LRP1B: variants seen among roughly 807,000 people sequenced by gnomAD.
The protein encoded by LRP1B is low-density lipoprotein receptor-related protein 1B.
Under a neutral mutation model 556.6 loss-of-function variants are expected in LRP1B, and 217 were observed. That is an observed-to-expected ratio of 0.39 (90% confidence interval 0.35 to 0.44). The LOEUF (loss-of-function observed/expected upper bound fraction) is 0.44, where lower values mean the gene tolerates loss of function less well. Ranked by LOEUF, LRP1B falls within the 20% of genes least tolerant of loss-of-function variation. LRP1B has a pLI of 1.00. For missense variants in LRP1B, 5,053 were observed against 5,620.8 expected (o/e 0.90, Z 3.23); for synonymous variants, 2,047 against 1,865.8 (o/e 1.10, Z -2.50).
At chr2:141,220,085 T>C (rs1042784633) in intron 6 of LRP1B, among the ~76,000 whole-genome samples, 3 of 152,138 alleles carry the variant, frequency 2.0e-5, no homozygotes, top group African/African-American at 4.8e-5. Context: ...CCAAGATGAA[T>C]GACCTGACAG....
chr2:141,812,058 T>G (rs1400828415), intron 1 of LRP1B, among the ~76,000 whole-genome samples: 1 of 152,100 alleles, frequency 6.6e-6, no homozygotes, highest in Non-Finnish European at 1.5e-5. Flanking sequence ...AAAATACATT[T>G]TCTACTGAAA....
intron 2 of LRP1B, among the ~76,000 whole-genome samples, chr2:141,608,684 C>T (rs1408544214): frequency 6.6e-6 from 1 of 152,062 alleles, no homozygotes; most frequent in Non-Finnish European, 1.5e-5. Flanking sequence ...TATATAGGCA[C>T]TTAATTTATT....
chr2:141,466,528 T>C (rs1682208992), intron 3 of LRP1B, among the ~76,000 whole-genome samples: 1 of 152,206 alleles, frequency 6.6e-6, no homozygotes, highest in Non-Finnish European at 1.5e-5. Flanking sequence ...TGTGTGTTAG[T>C]TAAAATCCTG....
intron 2 of LRP1B, among the ~76,000 whole-genome samples, chr2:141,500,513 G>C (rs4589695): frequency 0.034 from 5,151 of 152,094 alleles, 122 homozygotes; most frequent in Middle Eastern, 0.075. Flanking sequence ...ATCAACAAAG[G>C]TTTCTCATTC....
intron 83 of LRP1B, among the ~76,000 whole-genome samples, chr2:140,303,949 G>C (rs1683953484): frequency 6.6e-6 from 1 of 152,052 alleles, no homozygotes; most frequent in African/African-American, 2.4e-5. Context: ...TGAGAATGAT[G>C]GTTTCCAGCT....
At chr2:141,825,919 T>C (rs193296799) in intron 1 of LRP1B, among the ~76,000 whole-genome samples, 13 of 152,306 alleles carry the variant, frequency 8.5e-5, no homozygotes, top group African/African-American at 2.9e-4. Flanking sequence ...CCAATGCTTG[T>C]TCATTTTTCC....
intron 3 of LRP1B, among the ~76,000 whole-genome samples, chr2:141,256,024 T>G (rs1324636124): frequency 2.0e-5 from 3 of 151,798 alleles, no homozygotes; most frequent in African/African-American, 7.3e-5. Context: ...AATTACAATA[T>G]GAGTGTGGAA....
chr2:141,372,103 G>C (rs1011248983), intron 3 of LRP1B, among the ~76,000 whole-genome samples: 2 of 151,998 alleles, frequency 1.3e-5, no homozygotes, highest in Non-Finnish European at 2.9e-5. Flanking sequence ...TGCTTTTTCT[G>C]CATCTATTCA....
chr2:140,382,023 T>C (rs1171195729), intron 67 of LRP1B, among the ~76,000 whole-genome samples: 1 of 152,044 alleles, frequency 6.6e-6, no homozygotes, highest in African/African-American at 2.4e-5. Flanking sequence ...GAAAATTATG[T>C]TCAGGAAATA....
At chr2:140,831,963 A>G (rs930836392) in intron 31 of LRP1B, among the ~76,000 whole-genome samples, 1 of 152,170 alleles carries the variant, frequency 6.6e-6, no homozygotes, top group Admixed American at 6.5e-5. Context: ...CAAAACTACA[A>G]TGGGATATCA....
intron 8 of LRP1B, among the ~76,000 whole-genome samples, chr2:141,060,930 A>G (rs919166903): frequency 1.3e-5 from 2 of 151,800 alleles, no homozygotes; most frequent in African/African-American, 4.8e-5. Context: ...CATGGGGAAA[A>G]AAGAATAAAC....
chr2:141,747,248 G>T (rs1332727495), intron 2 of LRP1B, among the ~76,000 whole-genome samples: 1 of 152,134 alleles, frequency 6.6e-6, no homozygotes, highest in Non-Finnish European at 1.5e-5. Flanking sequence ...CTTGCACAAA[G>T]CTTTTGAGCT....
intron 7 of LRP1B, among the ~76,000 whole-genome samples, chr2:141,164,960 A>G (rs1445089350): frequency 6.6e-6 from 1 of 151,918 alleles, no homozygotes; most frequent in Admixed American, 6.6e-5. Context: ...GTTTTTAATC[A>G]TCTTATTCCT....
At chr2:140,772,319 A>T (rs943367241) in intron 33 of LRP1B, among the ~76,000 whole-genome samples, 6 of 151,258 alleles carry the variant, frequency 4.0e-5, no homozygotes, top group African/African-American at 1.5e-4. Flanking sequence ...ATGTATATAT[A>T]TATTATTTTT....
intron 86 of LRP1B, among the ~76,000 whole-genome samples, chr2:140,267,193 T>A (rs544490288): frequency 6.6e-6 from 1 of 152,084 alleles, no homozygotes; most frequent in African/African-American, 2.4e-5. Context: ...TATTAATTAA[T>A]TGTCTTCAAA....
intron 2 of LRP1B, among the ~76,000 whole-genome samples, chr2:141,619,741 G>T (rs1165675346): frequency 6.6e-6 from 1 of 152,148 alleles, no homozygotes; most frequent in African/African-American, 2.4e-5. Context: ...GAGGATAGAT[G>T]ATTGGATTCT....
chr2:141,899,361 T>C (rs769139349), intron 1 of LRP1B, among the ~76,000 whole-genome samples: 6 of 152,152 alleles, frequency 3.9e-5, no homozygotes, highest in Non-Finnish European at 7.4e-5. Context: ...TAAATACTTT[T>C]TATTATACTC....
At chr2:141,527,295 C>A (rs1684723151) in intron 2 of LRP1B, among the ~76,000 whole-genome samples, 1 of 151,788 alleles carries the variant, frequency 6.6e-6, no homozygotes. Context: ...TATAACAAGG[C>A]AGGTTTTGTT....
intron 72 of LRP1B, among the ~76,000 whole-genome samples, chr2:140,359,544 C>T (rs932137533): frequency 2.6e-5 from 4 of 151,564 alleles, no homozygotes; most frequent in African/African-American, 9.7e-5. Context: ...ACATTTGTCT[C>T]CTTATCACTA....
Sources: allele counts gnomAD v4.1 joint callset (sites outside exome capture counted in the v4.1 genomes callset), GRCh38; gene constraint gnomAD v4.1.1; transcripts MANE v1.5; gene names NCBI Gene and HGNC (gene_info 2026-07-23, HGNC 2026-07-21).